SMTN: variants seen among roughly 807,000 people sequenced by gnomAD.
SMTN encodes the protein smoothelin.
A neutral mutation model predicts 102.0 loss-of-function variants in SMTN; 58 were observed. The observed-to-expected ratio is 0.57, with a 90% CI of 0.46 to 0.71. SMTN has a LOEUF of 0.71. Ranked by LOEUF, SMTN falls within the 30% of genes least tolerant of loss-of-function variation. SMTN has a pLI of 0.00. For missense variants in SMTN, 1,185 were observed against 1,241.7 expected, an observed-to-expected ratio of 0.95 and a Z score of 0.69; for synonymous variants, 478 against 497.9, an observed-to-expected ratio of 0.96 and a Z score of 0.53.
At chr22:31,086,515 C>T (rs540697163) in intron 2 of SMTN, among the ~76,000 whole-genome samples, 1 of 152,290 alleles carries the variant, frequency 6.6e-6, no homozygotes, top group South Asian at 2.1e-4. Context: ...CCATTTGCCC[C>T]CTTGTCTCTC....
In SMTN at chr22:31,096,986, C is replaced by T; in HGVS notation, c.2027-12C>T. On this transcript the variant is annotated splice_polypyrimidine_tract_variant and intron_variant, in intron 14 of 20. Transcript: ENST00000333137. ...GTGCCTTTCACATCCTTCTCATCCC[C>T]TGCCCCTGCAGATGATGGCACACGG... is the stretch of plus-strand genomic sequence containing the variant. 6.2e-7 allele frequency: 1 copy of T among 1,614,108 alleles called. No homozygotes were observed. Among genetic ancestry groups the T allele is most frequent in the South Asian group, 1.1e-5 (1 of 91,082 alleles).
chr22:31,075,701 A>G (rs563350833), intron 1 of SMTN, among the ~76,000 whole-genome samples: 24 of 151,568 alleles, frequency 1.6e-4, no homozygotes, highest in Non-Finnish European at 3.4e-4. Flanking sequence ...AAAAAAAGGA[A>G]TAGTCTTAGC....
At chr22:31,084,983 C>T (rs933108758) in intron 2 of SMTN, 10 of 1,463,096 alleles carry the variant, frequency 6.8e-6, no homozygotes, top group Non-Finnish European at 9.0e-6. Context: ...CCGCTCCGCC[C>T]GCCCTGCGCC....
In SMTN at chr22:31,088,068, A is replaced by C; in HGVS notation, c.155A>C (p.Lys52Thr). The C allele has an allele frequency of 6.2e-7, 1 of 1,611,292 alleles. No homozygotes were observed. Residue 52 changes from lysine (K) to threonine (T), a missense_variant, in exon 3 of 21, where the codon AAG becomes ACG. Around this residue, in one of 2 missense-constraint regions of SMTN, gnomAD observed 1,096 missense variants for 1,112.7 expected, o/e 0.98. Coordinates refer to ENST00000333137, the MANE Select transcript of SMTN (RefSeq NM_134269.3). Reference protein sequence around the residue: ...LEREEEALASKRFRAERQDNK... With the variant: ...LEREEEALASTRFRAERQDNK... Reference sequence around the variant, plus strand: ...CGCGAGGAGGAGGCCCTGGCATCCAAGCGTTTCCGTGCCGAGCGGCAGGAC... The same window carrying C: ...CGCGAGGAGGAGGCCCTGGCATCCACGCGTTTCCGTGCCGAGCGGCAGGAC...
rs745906274 is a variant in SMTN at position 31,089,781 on chromosome 22, C to G, written c.554C>G (p.Thr185Ser). The change falls in exon 7 of 21, where the codon ACC (threonine) becomes AGC (serine). Residue 185 changes from threonine to serine, a missense_variant. By Grantham distance (58) the Thr-to-Ser change is moderately conservative. Transcript: ENST00000333137. ...CCTGAAGGCACCAGCCAGGATGTGA[C>G]CACAGTGACACTCCTGCTGCGAGCC... is the stretch of plus-strand genomic sequence containing the variant. ...PTPEGTSQDV[T>S]TVTLLLRAPP... The G allele has an allele frequency of 6.2e-7, 1 of 1,612,944 alleles. No homozygotes were observed. Among genetic ancestry groups the G allele is most frequent in the African/African-American group, 1.3e-5 (1 of 74,898 alleles).
rs767210938 is a variant in SMTN, at chr22:31,091,107, G to A, written c.1084G>A (p.Ala362Thr). The change falls in exon 10 of 21, where the codon GCA becomes ACA. Residue 362 changes from alanine to threonine, a missense_variant. Ala to Thr is a moderately conservative substitution (Grantham distance 58). Around this residue, in one of 2 missense-constraint regions of SMTN, gnomAD observed 1,096 missense variants for 1,112.7 expected, o/e 0.98. Transcript: ENST00000333137. The part of the protein sequence containing the change: ...PQAALSPLTP[A>T]RLLGPSLTST... ...GGCTGCCCTAAGTCCCCTGACCCCC[G>A]CAAGGCTCCTGGGCCCCTCCCTCAC... The A allele has an allele frequency of 9.3e-6, 15 of 1,613,682 alleles. No homozygotes were observed. Among genetic ancestry groups the A allele is most frequent in the African/African-American group, 5.3e-5 (4 of 74,854 alleles).
intron 11 of SMTN, among the ~76,000 whole-genome samples, chr22:31,094,918 A>G (rs1271508248): frequency 6.6e-6 from 1 of 152,038 alleles, no homozygotes. Flanking sequence ...ACTGCTGGCA[A>G]CAAGTGATCC....
chr22:31,097,927 G>T (rs1042105412), intron 16 of SMTN, among the ~76,000 whole-genome samples: 1 of 152,108 alleles, frequency 6.6e-6, no homozygotes, highest in East Asian at 1.9e-4. Context: ...TCTCTGAGTG[G>T]CTGCAATAGC....
At chr22:31,088,635 G>A in intron 4 of SMTN, 29 bp downstream of exon 4, 1 of 1,612,440 alleles carries the variant, frequency 6.2e-7, no homozygotes, top group Non-Finnish European at 8.5e-7. Flanking sequence ...CAGGGGATGG[G>A]GGCAGGGCAG....
chr22:31,092,650 T>G, intron 11 of SMTN: 1 of 433,344 alleles, frequency 2.3e-6, no homozygotes, highest in Non-Finnish European at 4.9e-6. Flanking sequence ...AAAGCACCCT[T>G]CCTTTCCAAA....
intron 11 of SMTN, among the ~76,000 whole-genome samples, chr22:31,094,467 T>C (rs1183028674): frequency 6.6e-6 from 1 of 152,114 alleles, no homozygotes; most frequent in East Asian, 1.9e-4. Context: ...GCCTGGGCAC[T>C]GGCCCAGGAG....
chr22:31,089,662 T>C, intron 6 of SMTN, 37 bp from the exon 7 acceptor site: 1 of 1,562,894 alleles, frequency 6.4e-7, no homozygotes, highest in Non-Finnish European at 8.7e-7. Flanking sequence ...GTTCAAAGCC[T>C]AGGGAGCCTT....
intron 1 of SMTN, among the ~76,000 whole-genome samples, chr22:31,072,068 T>G (rs1019862956): frequency 1.3e-5 from 2 of 152,156 alleles, no homozygotes; most frequent in Non-Finnish European, 2.9e-5. Context: ...ATAGGATTTG[T>G]CCAAAACATA....
chr22:31,083,301 C>T lies in SMTN; in HGVS notation c.43C>T (p.Arg15Trp), dbSNP rs904117589. ...ALAGLDEGALRKLLEVTADLA... is the reference protein window; with the variant it reads ...ALAGLDEGALWKLLEVTADLA... ...AGCTGGGCTGGATGAGGGAGCCCTT[C>T]GGAAGCTGGTAAGTGGCCCCATCAC... The change falls in exon 2 of 21, where the codon CGG becomes TGG. Residue 15 changes from arginine to tryptophan, a missense_variant. Coordinates refer to ENST00000333137, the MANE Select transcript of SMTN (RefSeq NM_134269.3). 30 of 1,572,342 alleles carry T rather than the reference C, an allele frequency of 1.9e-5. No individual in the cohort carries two copies. The highest frequency in any genetic ancestry group is 2.7e-5 in the African/African-American group (2 of 74,416).
chr22:31,097,155 C>G, intron 15 of SMTN, 95 bp downstream of exon 15: 1 of 1,496,478 alleles, frequency 6.7e-7, no homozygotes, highest in Non-Finnish European at 9.3e-7. Flanking sequence ...TCAACTGTGC[C>G]GTCACTTTCT....
At position 31,095,888 on chromosome 22, in the gene SMTN, G is replaced by T; in HGVS notation, c.1861+279G>T. On this transcript the variant is annotated intron_variant, in intron 13 of 20. Transcript: ENST00000333137. The surrounding 1 kb of genome is among the most constrained non-coding windows in gnomAD (Gnocchi z 4.1). The stretch of plus-strand genomic sequence containing the variant: ...CCCTCCCGCAGCTACTCTCTCCTTG[G>T]ATCCAGTTGCCTCTCAAAGTACTGT... 3 of 493,182 alleles carry T rather than the reference G, an allele frequency of 6.1e-6. No individual in the cohort carries two copies. The highest frequency in any genetic ancestry group is 3.6e-6 in the Non-Finnish European group (1 of 275,978). 30.6% of individuals were successfully genotyped at this position (493,182 alleles called of 1,614,324 possible).
At chr22:31,075,681 A>G (rs1602574114) in intron 1 of SMTN, among the ~76,000 whole-genome samples, 1 of 94,280 alleles carries the variant, frequency 1.1e-5, no homozygotes, top group African/African-American at 4.2e-5. Flanking sequence ...ACTCTGTCTT[A>G]AAAAAAAAAA....
At chr22:31,073,023 T>TTTTCC (rs1555958656) in intron 1 of SMTN, among the ~76,000 whole-genome samples, 9 of 145,646 alleles carry the variant, frequency 6.2e-5, no homozygotes, top group Non-Finnish European at 7.5e-5. Context: ...TTTTTTTTTT[T>TTTTCC]TTTTTTTTTG....
chr22:31,079,852 C>A (rs778113296), upstream of SMTN, among the ~76,000 whole-genome samples: 1 of 152,204 alleles, frequency 6.6e-6, no homozygotes, highest in Non-Finnish European at 1.5e-5. Context: ...CAACCTCTGC[C>A]TCCAGGTTCA....
Sources: gnomAD v4.1 joint callset for allele counts (sites outside exome capture counted in the v4.1 genomes callset) on GRCh38, gnomAD v4.1.1 for gene constraint, gnomAD v4.1.1 regional missense constraint, Gnocchi (gnomAD v3.1) non-coding constraint, MANE v1.5 for transcripts, NCBI Gene and HGNC (gene_info 2026-07-23, HGNC 2026-07-21) for gene names.